RASGRF1: variants seen among roughly 807,000 people sequenced by gnomAD.
The protein encoded by RASGRF1 is ras-specific guanine nucleotide-releasing factor 1.
Under a neutral mutation model 138.7 loss-of-function variants are expected in RASGRF1, and 40 were observed. That is an observed-to-expected ratio of 0.29 (90% CI 0.22 to 0.38). RASGRF1 has a LOEUF of 0.38. RASGRF1 is among the 10% of genes least tolerant of loss of function. The pLI, the probability that RASGRF1 is intolerant of heterozygous loss-of-function variation, is 1.00. For missense variants in RASGRF1, 1,108 were observed against 1,650.4 expected, an observed-to-expected ratio of 0.67 and a Z score of 5.69; for synonymous variants, 614 against 663.2, an observed-to-expected ratio of 0.93 and a Z score of 1.14.
At position 79,006,359 on chromosome 15, in the gene RASGRF1, C is replaced by T; in HGVS notation, c.1902G>A (p.Gln634=). The change falls in exon 14 of 27, where the codon CAG becomes CAA. Residue 634 remains glutamine (Q), a synonymous_variant. Transcript: ENST00000558480. This position sits in a 1 kb window ranked among gnomAD's most constrained non-coding sequence, Gnocchi z 4.0. ...GCCGCTCCACACTGGCGTAGCGGAT[C>T]TGCAGCACTTTGCAGGAGTTCATGG... ...SKTMNSCKVL[Q]IRYASVERLL... is the part of the protein sequence containing the mutation. 1 of 1,614,226 alleles carries T rather than the reference C, an allele frequency of 6.2e-7. No individual in the cohort carries two copies. Among genetic ancestry groups the T allele is most frequent in the Non-Finnish European group, 8.5e-7 (1 of 1,180,050 alleles).
intron 10 of RASGRF1, among the ~76,000 whole-genome samples, chr15:79,024,073 A>G (rs1174830898): frequency 6.6e-6 from 1 of 151,386 alleles, no homozygotes; most frequent in Admixed American, 6.6e-5. Flanking sequence ...ACACACACAT[A>G]TACACACCAC....
At chr15:79,087,724 C>T (rs2141115077) in intron 1 of RASGRF1, among the ~76,000 whole-genome samples, 1 of 152,296 alleles carries the variant, frequency 6.6e-6, no homozygotes, top group Non-Finnish European at 1.5e-5. Context: ...CGATTTTACT[C>T]AAAGATTGAG....
At chr15:79,025,787 G>T (rs2057038268) in intron 9 of RASGRF1, among the ~76,000 whole-genome samples, 1 of 152,056 alleles carries the variant, frequency 6.6e-6, no homozygotes, top group African/African-American at 2.4e-5. Context: ...TGAGGTCTGG[G>T]GATGGCAGGG....
chr15:78,973,290 G>C lies in RASGRF1; in HGVS notation c.3612+13C>G, dbSNP rs772140682. 7 of 1,574,808 alleles carry C rather than the reference G, an allele frequency of 4.4e-6. No homozygotes were observed. In the African/African-American group the frequency reaches 6.8e-5, roughly 15 times the overall value. On this transcript the variant is annotated intron_variant, in intron 25 of 26. Transcript: ENST00000558480. This position sits in a 1 kb window ranked among gnomAD's most constrained non-coding sequence, Gnocchi z 4.9. ...AACGCCCCCCTTCCCCTGCCTGGCTGGGGGGAACGCACCATCCTCATCTTG... is the reference window on the plus strand; with the variant it reads ...AACGCCCCCCTTCCCCTGCCTGGCTCGGGGGAACGCACCATCCTCATCTTG...
intron 19 of RASGRF1, among the ~76,000 whole-genome samples, chr15:78,996,843 C>G (rs2056404772): frequency 6.6e-6 from 1 of 152,292 alleles, no homozygotes; most frequent in East Asian, 1.9e-4. Context: ...AGAATGGGCC[C>G]CAGCATGGGG....
chr15:79,079,765 T>A (rs1419757127), intron 1 of RASGRF1, among the ~76,000 whole-genome samples: 1 of 152,220 alleles, frequency 6.6e-6, no homozygotes, highest in African/African-American at 2.4e-5. Flanking sequence ...CTCTTGAATG[T>A]TGAGCTATGG....
At chr15:79,001,596 C>G in intron 16 of RASGRF1, 66 bp downstream of exon 16, 1 of 1,545,362 alleles carries the variant, frequency 6.5e-7, no homozygotes, top group Non-Finnish European at 8.8e-7. Context: ...TGCCTTGACT[C>G]GACTTGACCT....
At chr15:79,042,718 T>C (rs2057312288) in intron 5 of RASGRF1, among the ~76,000 whole-genome samples, 1 of 152,188 alleles carries the variant, frequency 6.6e-6, no homozygotes, top group African/African-American at 2.4e-5. Context: ...TGATCCTGGC[T>C]CCAGCCTCAT....
chr15:78,993,946 G>A (rs1315111851), intron 20 of RASGRF1, among the ~76,000 whole-genome samples: 1 of 152,306 alleles, frequency 6.6e-6, no homozygotes, highest in East Asian at 1.9e-4. Context: ...AATCCTCACT[G>A]TCTCTAGTGA....
At chr15:78,995,094 A>G (rs773542978) in intron 20 of RASGRF1, among the ~76,000 whole-genome samples, 4 of 151,534 alleles carry the variant, frequency 2.6e-5, no homozygotes, top group Non-Finnish European at 4.4e-5. Context: ...TGCCCGGGTA[A>G]TTTTTTGTAT....
At chr15:79,017,658 G>C (rs1399356951) in intron 12 of RASGRF1, 112 bp downstream of exon 12, 8 of 1,319,352 alleles carry the variant, frequency 6.1e-6, no homozygotes, top group Non-Finnish European at 8.2e-6. Context: ...TTTCTCTGTA[G>C]AACAGTGCAG....
intron 7 of RASGRF1, 69 bp from the exon 8 acceptor site, chr15:79,031,578 G>T (rs1860221652): frequency 2.0e-6 from 2 of 1,007,892 alleles, no homozygotes; most frequent in Non-Finnish European, 3.0e-6. Context: ...GCAAGGCAGG[G>T]GCAGACAGGG....
intron 22 of RASGRF1, among the ~76,000 whole-genome samples, chr15:78,987,794 G>C (rs1358548036): frequency 6.6e-6 from 1 of 152,170 alleles, no homozygotes; most frequent in Non-Finnish European, 1.5e-5. Context: ...GTTGTGGAGA[G>C]AGACGGGACT....
intron 24 of RASGRF1, among the ~76,000 whole-genome samples, chr15:78,977,850 C>G (rs551618506): frequency 3.2e-4 from 48 of 152,326 alleles, no homozygotes; most frequent in African/African-American, 1.1e-3. Flanking sequence ...AAACTGGAAT[C>G]GGCCCCAAAA....
chr15:79,064,584 TCTTGCAATCA>T, intron 1 of RASGRF1, 58 bp from the exon 2 acceptor site: 1 of 1,518,616 alleles, frequency 6.6e-7, no homozygotes, highest in Non-Finnish European at 9.1e-7. Flanking sequence ...CAACAACGAC[TCTTGCAATCA>T]ATCTAGCTGT....
intron 22 of RASGRF1, among the ~76,000 whole-genome samples, chr15:78,989,402 A>C (rs1296212977): frequency 2.6e-5 from 4 of 152,160 alleles, no homozygotes; most frequent in African/African-American, 9.7e-5. Context: ...TCCTGATCCT[A>C]GCCAGGGAGA....
At chr15:79,088,074 G>A (rs954166120) in intron 1 of RASGRF1, among the ~76,000 whole-genome samples, 1 of 152,188 alleles carries the variant, frequency 6.6e-6, no homozygotes, top group African/African-American at 2.4e-5. Context: ...CAATACCTGG[G>A]CCAAGAGTTG....
intron 3 of RASGRF1, among the ~76,000 whole-genome samples, chr15:79,054,794 G>A (rs1323668315): frequency 6.6e-6 from 1 of 152,222 alleles, no homozygotes. Context: ...GATACAGGTA[G>A]TGACCACACA....
At chr15:79,002,599 G>C (rs1176660176) in intron 15 of RASGRF1, among the ~76,000 whole-genome samples, 2 of 152,152 alleles carry the variant, frequency 1.3e-5, no homozygotes, top group Admixed American at 1.3e-4. Context: ...TTAGATTCAT[G>C]GGCTCCTGGA....
Sources: allele counts gnomAD v4.1 joint callset (sites outside exome capture counted in the v4.1 genomes callset), GRCh38; gene constraint gnomAD v4.1.1; non-coding constraint Gnocchi (gnomAD v3.1); transcripts MANE v1.5; gene names NCBI Gene and HGNC (gene_info 2026-07-23, HGNC 2026-07-21).